The following CNTN3 variants were observed in gnomAD, a reference collection of about 807,000 sequenced individuals.
CNTN3 encodes the protein contactin-3.
Under a neutral mutation model 119.1 loss-of-function variants are expected in CNTN3, and 60 were observed. The observed-to-expected ratio is 0.50, with a 90% confidence interval of 0.41 to 0.62. The LOEUF (loss-of-function observed/expected upper bound fraction) is 0.62. Among genes scored for constraint, CNTN3 ranks in the 20% least tolerant of loss-of-function variants. The pLI is 0.00. For missense variants in CNTN3, 1,101 were observed against 1,242.4 expected, an observed-to-expected ratio of 0.89 and a Z score of 1.71; for synonymous variants, 450 against 438.7, an observed-to-expected ratio of 1.03 and a Z score of -0.32.
At position 74,614,456 on chromosome 3, in the gene CNTN3, GCCGCCGCCA is replaced by G. The variant is rs1182061946; in HGVS notation, c.-155_-147del. Among the ~76,000 whole-genome samples, 2 of 142,740 alleles carry G rather than the reference GCCGCCGCCA, an allele frequency of 1.4e-5. No individual in the cohort carries two copies. The highest frequency in any genetic ancestry group is 2.6e-5 in the African/African-American group (1 of 38,166). The allele number at this position is 142,740 out of a possible 152,430, so 93.6% of individuals were successfully genotyped here. A position where few individuals can be genotyped will look rare whatever the true frequency, so the allele number is the denominator to read the frequency against. ...ACTCGCCGCCGCCGCCGCCGCCGCC[GCCGCCGCCA>G]CCGCCGCCGCCGCAGTTAGTCCGGG... On this transcript the variant is annotated 5_prime_UTR_variant, in exon 1 of 23. Coordinates refer to ENST00000263665, the MANE Select transcript of CNTN3 (RefSeq NM_020872.3).
At chr3:74,450,869 T>C (rs945745556) in intron 4 of CNTN3, among the ~76,000 whole-genome samples, 4 of 152,050 alleles carry the variant, frequency 2.6e-5, no homozygotes, top group African/African-American at 7.2e-5. Context: ...TGCGTAGTAT[T>C]CCATGGTGTT....
chr3:74,430,610 C>A (rs1701767288), intron 4 of CNTN3, among the ~76,000 whole-genome samples: 1 of 151,878 alleles, frequency 6.6e-6, no homozygotes, highest in Non-Finnish European at 1.5e-5. Context: ...TGGGAGTAAA[C>A]TAGTGGTTGC....
intron 9 of CNTN3, among the ~76,000 whole-genome samples, chr3:74,364,877 C>A (rs922320762): frequency 6.6e-6 from 1 of 152,198 alleles, no homozygotes; most frequent in African/African-American, 2.4e-5. Context: ...ACTTTTTCCC[C>A]TACAGTTAAA....
chr3:74,406,031 T>C (rs540510952), intron 5 of CNTN3, among the ~76,000 whole-genome samples: 2 of 152,246 alleles, frequency 1.3e-5, no homozygotes, highest in African/African-American at 4.8e-5. Context: ...TCATTCTTCA[T>C]TTTTCTATTG....
At chr3:74,439,786 C>T (rs1240147889) in intron 4 of CNTN3, among the ~76,000 whole-genome samples, 1 of 152,116 alleles carries the variant, frequency 6.6e-6, no homozygotes, top group Non-Finnish European at 1.5e-5. Flanking sequence ...ATAATATGTC[C>T]AATTTGAAAG....
chr3:74,562,837 T>C (rs1704173116), intron 1 of CNTN3, among the ~76,000 whole-genome samples: 1 of 152,048 alleles, frequency 6.6e-6, no homozygotes, highest in South Asian at 2.1e-4. Flanking sequence ...AAAAATACTG[T>C]ATTTGACCTT....
At chr3:74,568,639 A>T (rs1230080810) in intron 1 of CNTN3, among the ~76,000 whole-genome samples, 1 of 152,190 alleles carries the variant, frequency 6.6e-6, no homozygotes, top group Non-Finnish European at 1.5e-5. Context: ...TAAGTGGTAG[A>T]TGTAACTACT....
At chr3:74,351,984 C>T (rs1703826830) in intron 11 of CNTN3, among the ~76,000 whole-genome samples, 1 of 152,288 alleles carries the variant, frequency 6.6e-6, no homozygotes, top group South Asian at 2.1e-4. Flanking sequence ...CTGTGCTCTA[C>T]TCTCTAGAAC....
chr3:74,576,515 A>G (rs888570163), intron 1 of CNTN3, among the ~76,000 whole-genome samples: 3 of 152,212 alleles, frequency 2.0e-5, no homozygotes, highest in Non-Finnish European at 4.4e-5. Context: ...AAAAAATTTC[A>G]TAAATCAATA....
intron 8 of CNTN3, among the ~76,000 whole-genome samples, chr3:74,368,467 C>G (rs144545153): frequency 0.013 from 1,968 of 152,034 alleles, 37 homozygotes; most frequent in African/African-American, 0.045. Flanking sequence ...ATATACGTCT[C>G]CATATATTTT....
intron 1 of CNTN3, among the ~76,000 whole-genome samples, chr3:74,529,426 T>C (rs1703663263): frequency 6.6e-6 from 1 of 151,914 alleles, no homozygotes; most frequent in South Asian, 2.1e-4. Context: ...AGAATCAATT[T>C]TGTTTTAGCT....
At chr3:74,361,246 T>C (rs1267594397) in intron 11 of CNTN3, among the ~76,000 whole-genome samples, 3 of 152,198 alleles carry the variant, frequency 2.0e-5, no homozygotes, top group Non-Finnish European at 4.4e-5. Flanking sequence ...TTCATCCACA[T>C]AACAATTCTT....
At chr3:74,369,112 A>AC (rs1282860394) in intron 8 of CNTN3, 77 bp downstream of exon 8, 7 of 1,100,280 alleles carry the variant, frequency 6.4e-6, no homozygotes, top group South Asian at 4.4e-5. Context: ...ATAATCTCTC[A>AC]CCCCTAAATA....
At chr3:74,482,225 T>C (rs1702775826) in intron 4 of CNTN3, among the ~76,000 whole-genome samples, 1 of 151,754 alleles carries the variant, frequency 6.6e-6, no homozygotes, top group Non-Finnish European at 1.5e-5. Flanking sequence ...CTACAGAAAA[T>C]ATTAGCAAAC....
At chr3:74,460,808 TATATATATATGC>T (rs1234716003) in intron 4 of CNTN3, among the ~76,000 whole-genome samples, 5 of 105,228 alleles carry the variant, frequency 4.8e-5, no homozygotes, top group African/African-American at 1.6e-4. Context: ...TATATATATA[TATATATATATGC>T]CTTTCATTTC....
chr3:74,517,140 G>C (rs548684898), intron 2 of CNTN3, among the ~76,000 whole-genome samples: 2 of 151,980 alleles, frequency 1.3e-5, no homozygotes, highest in South Asian at 4.1e-4. Flanking sequence ...ATCCATCTAG[G>C]AGAGGGACCT....
chr3:74,392,293 C>G (rs1704930823), intron 5 of CNTN3, among the ~76,000 whole-genome samples: 2 of 152,142 alleles, frequency 1.3e-5, no homozygotes, highest in Non-Finnish European at 2.9e-5. Flanking sequence ...AAGACAATGG[C>G]TATATTTGGT....
intron 9 of CNTN3, 105 bp from the exon 10 acceptor site, chr3:74,364,701 G>T: frequency 1.0e-6 from 1 of 975,390 alleles, no homozygotes; most frequent in Non-Finnish European, 1.5e-6. Context: ...GCATTTTTCT[G>T]AGAGTATTAG....
intron 1 of CNTN3, among the ~76,000 whole-genome samples, chr3:74,546,949 T>A (rs1288490704): frequency 7.1e-6 from 1 of 141,200 alleles, no homozygotes; most frequent in African/African-American, 2.5e-5. Flanking sequence ...CTCCTTATTT[T>A]GTTGATTTCG....
Sources: allele counts gnomAD v4.1 joint callset (sites outside exome capture counted in the v4.1 genomes callset), GRCh38; gene constraint gnomAD v4.1.1; transcripts MANE v1.5; gene names NCBI Gene and HGNC (gene_info 2026-07-23, HGNC 2026-07-21).